The following ABTB2 variants were observed in gnomAD, a reference collection of about 807,000 sequenced individuals.
The protein encoded by ABTB2 is ankyrin repeat and BTB/POZ domain-containing protein 2.
In ABTB2, 56 loss-of-function variants were observed where a neutral mutation model predicts 104.1. That is an observed-to-expected ratio of 0.54 (90% confidence interval 0.43 to 0.67). The LOEUF is 0.67. Among genes scored for constraint, ABTB2 ranks in the 30% least tolerant of loss-of-function variants. The pLI is 0.00. For missense variants in ABTB2, 1,279 were observed against 1,407.7 expected, an observed-to-expected ratio of 0.91 and a Z score of 1.46; for synonymous variants, 606 against 608.2, an observed-to-expected ratio of 1.00 and a Z score of 0.05.
In ABTB2 at chr11:34,356,923, C is replaced by A; in HGVS notation, c.661G>T (p.Val221Leu). The A allele has an allele frequency of 1.2e-6, 2 of 1,601,992 alleles. No homozygotes were observed. Among genetic ancestry groups the A allele is most frequent in the East Asian group, 2.3e-5 (1 of 44,440 alleles). ...ATGGCTGCGTACTCGTGGATGCGCA[C>A]GGAGATTCGGGTGTCCACCATCCAG... ...FRWMVDTRISVRIHEYAAISL... is the reference protein window; with the variant it reads ...FRWMVDTRISLRIHEYAAISL... Residue 221 changes from valine (V) to leucine (L), a missense_variant, in exon 1 of 17, where the codon GTG becomes TTG. By Grantham distance (32) the Val-to-Leu change is conservative. Transcript: ENST00000435224. The surrounding 1 kb of genome is among the most constrained non-coding windows in gnomAD (Gnocchi z 4.6).
intron 1 of ABTB2, chr11:34,335,671 T>C: frequency 7.1e-7 from 1 of 1,410,132 alleles, no homozygotes; most frequent in South Asian, 1.2e-5. Flanking sequence ...CACAAACTTG[T>C]GTCTTTCACT....
At chr11:34,172,448 A>AGATAGAT (rs1852895276) in intron 4 of ABTB2, among the ~76,000 whole-genome samples, 1 of 111,964 alleles carries the variant, frequency 8.9e-6, no homozygotes, top group East Asian at 2.0e-4. Flanking sequence ...ATAGATAGAT[A>AGATAGAT]GATAGATAGA....
intron 1 of ABTB2, among the ~76,000 whole-genome samples, chr11:34,253,263 C>T (rs1359092763): frequency 1.3e-5 from 2 of 152,236 alleles, no homozygotes; most frequent in Admixed American, 1.3e-4. Context: ...ATTCTTCTCT[C>T]TTCTTCCTTC....
intron 1 of ABTB2, among the ~76,000 whole-genome samples, chr11:34,219,799 C>T (rs1018913874): frequency 3.9e-5 from 6 of 152,164 alleles, no homozygotes; most frequent in African/African-American, 1.4e-4. Flanking sequence ...CTATGATGTT[C>T]CCACAACAAA....
At chr11:34,306,233 T>C (rs1296121336) in intron 1 of ABTB2, among the ~76,000 whole-genome samples, 8 of 141,056 alleles carry the variant, frequency 5.7e-5, no homozygotes, top group African/African-American at 1.9e-4. Flanking sequence ...CCTGGAAAGT[T>C]TGATTTTTTT....
chr11:34,338,372 C>A (rs563030153), intron 1 of ABTB2, among the ~76,000 whole-genome samples: 2 of 150,514 alleles, frequency 1.3e-5, no homozygotes, highest in African/African-American at 2.4e-5. Flanking sequence ...CAGAGTGAGA[C>A]CACTTCTCAA....
At chr11:34,281,827 A>G (rs1260992654) in intron 1 of ABTB2, among the ~76,000 whole-genome samples, 3 of 152,224 alleles carry the variant, frequency 2.0e-5, no homozygotes, top group African/African-American at 7.2e-5. Context: ...ATATTATTCA[A>G]AAAATTATCC....
At position 34,357,327 on chromosome 11, in the gene ABTB2, G is replaced by C; in HGVS notation, c.257C>G (p.Ser86Trp). ...CAGCTCGGGGAGCCGCGGACAGCGC[G>C]AGAAGAGGTCGGCCACTTCGGGGTC... The part of the protein sequence containing the change: ...PEDPEVADLF[S>W]RCPRLPELEE... Residue 86 changes from serine to tryptophan, a missense_variant, in exon 1 of 17, where the codon TCG (serine) becomes TGG (tryptophan). Transcript: ENST00000435224. 4 of 1,518,922 alleles carry C rather than the reference G, an allele frequency of 2.6e-6. No homozygotes were observed. Among genetic ancestry groups the C allele is most frequent in the Non-Finnish European group, 3.5e-6 (4 of 1,127,926 alleles). 94.1% of individuals were successfully genotyped at this position (1,518,922 alleles called of 1,614,324 possible).
intron 1 of ABTB2, among the ~76,000 whole-genome samples, chr11:34,326,015 T>TAAAATAAAATA (rs869278215): frequency 1.4e-5 from 2 of 142,776 alleles, no homozygotes; most frequent in South Asian, 2.3e-4. Flanking sequence ...TAAAATAAAA[T>TAAAATAAAATA]AAAGAAAAAG....
chr11:34,160,400 C>A (rs1387269162), intron 11 of ABTB2, 47 bp from the exon 12 acceptor site: 1 of 1,395,654 alleles, frequency 7.2e-7, no homozygotes, highest in Non-Finnish European at 1.0e-6. Flanking sequence ...CTGTGGCTGG[C>A]TGTTCACAGA....
At chr11:34,322,219 T>C (rs546120897) in intron 1 of ABTB2, among the ~76,000 whole-genome samples, 2 of 152,176 alleles carry the variant, frequency 1.3e-5, no homozygotes, top group African/African-American at 2.4e-5. Flanking sequence ...CTAGATGCAA[T>C]ACACAGACCT....
chr11:34,168,094 AC>A, intron 5 of ABTB2, 102 bp from the exon 6 acceptor site: 1 of 1,177,850 alleles, frequency 8.5e-7, no homozygotes, highest in Non-Finnish European at 1.2e-6. Flanking sequence ...GCACCCCGCC[AC>A]CCCAGCCGAG....
chr11:34,208,523 C>G (rs1470715192), intron 1 of ABTB2, among the ~76,000 whole-genome samples: 4 of 152,214 alleles, frequency 2.6e-5, no homozygotes, highest in African/African-American at 7.2e-5. Context: ...AAAACAGCAG[C>G]ATTTCTGCTC....
chr11:34,349,855 G>T (rs750863855), intron 1 of ABTB2, among the ~76,000 whole-genome samples: 2 of 152,172 alleles, frequency 1.3e-5, no homozygotes, highest in African/African-American at 2.4e-5. Flanking sequence ...GATCAAGGAA[G>T]AAACTAAGGC....
At position 34,152,537 on chromosome 11, in the gene ABTB2, G is replaced by A. The variant is rs753941809; in HGVS notation, c.2928C>T (p.Leu976=). 6.2e-7 allele frequency: 1 copy of A among 1,612,774 alleles called. No individual in the cohort carries two copies. Residue 976 remains leucine, a synonymous_variant, in exon 17 of 17, where the codon CTC becomes CTT. Coordinates refer to ENST00000435224, the MANE Select transcript of ABTB2 (RefSeq NM_145804.3). ...GCTCCAGTAGGGCCTTCATGTGCTT[G>A]AGGAAGAAGCCCTCACAGAACAGGG... is the stretch of plus-strand genomic sequence containing the variant. ...ELALFCEGFF[L]KHMKALLEQD...
intron 1 of ABTB2, among the ~76,000 whole-genome samples, chr11:34,208,724 G>A (rs1853439399): frequency 6.6e-6 from 1 of 151,896 alleles, no homozygotes; most frequent in Non-Finnish European, 1.5e-5. Flanking sequence ...GTACAGCACC[G>A]TGGCCACCCG....
chr11:34,204,392 G>T, intron 2 of ABTB2, 152 bp downstream of exon 2: 1 of 952,966 alleles, frequency 1.0e-6, no homozygotes, highest in Admixed American at 3.2e-5. Flanking sequence ...CTCTGGTCTA[G>T]AAAGATCTAG....
At chr11:34,251,534 C>G (rs1854057354) in intron 1 of ABTB2, among the ~76,000 whole-genome samples, 1 of 152,204 alleles carries the variant, frequency 6.6e-6, no homozygotes, top group South Asian at 2.1e-4. Context: ...ATGCCATGCC[C>G]AGCAGGATGT....
At chr11:34,218,950 A>G (rs573572682) in intron 1 of ABTB2, among the ~76,000 whole-genome samples, 2 of 149,432 alleles carry the variant, frequency 1.3e-5, no homozygotes, top group South Asian at 2.1e-4. Flanking sequence ...TGGGCTCTCT[A>G]TTCTGTTCCA....
Sources: gnomAD v4.1 joint callset for allele counts (sites outside exome capture counted in the v4.1 genomes callset) on GRCh38, gnomAD v4.1.1 for gene constraint, Gnocchi (gnomAD v3.1) non-coding constraint, MANE v1.5 for transcripts, NCBI Gene and HGNC (gene_info 2026-07-23, HGNC 2026-07-21) for gene names.